The following EIF1AX variants were observed in gnomAD, a reference collection of about 807,000 sequenced individuals.
EIF1AX encodes eukaryotic translation initiation factor 1A X-linked.
In EIF1AX, 1 loss-of-function variant was observed where a neutral mutation model predicts 16.1. The observed-to-expected ratio is 0.06, with a 90% CI of 0.02 to 0.30. The LOEUF is 0.30. Among genes scored for constraint, EIF1AX ranks in the 10% least tolerant of loss-of-function variants. The probability of loss-of-function intolerance (pLI) is 1.00; values close to 1 mark genes in which losing one functional copy is unlikely to be tolerated. For synonymous variants in EIF1AX, 32 were observed against 37.3 expected (o/e 0.86, Z 0.51); for missense variants, 11 against 109.1 (o/e 0.10, Z 4.00).
intron 5 of EIF1AX, among the ~76,000 whole-genome samples, 189 bp downstream of exon 5, chrX:20,131,993 T>A (rs2067002867): frequency 9.2e-6 from 1 of 108,447 alleles, no homozygotes; most frequent in Non-Finnish European, 1.9e-5. Context: ...CCTCACCATA[T>A]TTATTAGGAA....
chrX:20,137,395 G>C (rs1056051647), intron 2 of EIF1AX, among the ~76,000 whole-genome samples: 5 of 110,667 alleles, frequency 4.5e-5, no homozygotes, highest in Non-Finnish European at 7.6e-5. Context: ...GTAGTGAGCC[G>C]AGATCGCGCC....
chrX:20,132,149 T>C (rs967531330), intron 5 of EIF1AX, 33 bp downstream of exon 5: 1 of 1,092,977 alleles, frequency 9.1e-7, no homozygotes, highest in Non-Finnish European at 1.3e-6. Context: ...CTAAATACCA[T>C]ATGACAAGTT....
At chrX:20,133,839 G>C (rs765663433) in intron 4 of EIF1AX, 118 bp downstream of exon 4, 35 of 565,166 alleles carry the variant, frequency 6.2e-5, no homozygotes, top group Non-Finnish European at 9.5e-5. Flanking sequence ...CCCAGATTTT[G>C]ATTTAAACAT....
rs1370654075 is a variant in EIF1AX, at chrX:20,125,455, T to G, written c.*2851A>C. 2.9e-5 allele frequency: 5 copies of G among 170,196 alleles called. No homozygotes were observed. Among genetic ancestry groups the G allele is most frequent in the African/African-American group, 1.5e-4 (5 of 33,769 alleles). 14.0% of individuals were successfully genotyped at this position (170,196 alleles called of 1,213,427 possible). A position where few individuals can be genotyped will look rare whatever the true frequency, so the allele number is the denominator to read the frequency against. On this transcript the variant is annotated 3_prime_UTR_variant, in exon 7 of 7. Coordinates refer to ENST00000379607, the MANE Select transcript of EIF1AX (RefSeq NM_001412.4). The stretch of plus-strand genomic sequence containing the variant: ...GAGTCCAAAGAGTATAAATAAAACT[T>G]ACCCTTACGAAGTAGAATAAAGATA...
chrX:20,132,702 T>C (rs2067004803), intron 4 of EIF1AX, among the ~76,000 whole-genome samples: 1 of 112,031 alleles, frequency 8.9e-6, no homozygotes, highest in Admixed American at 9.5e-5. Context: ...TGTGCTTCTT[T>C]GCCTAGGTAT....
At chrX:20,138,879 TTA>T (rs1341892009) in intron 1 of EIF1AX, among the ~76,000 whole-genome samples, 3 of 112,109 alleles carry the variant, frequency 2.7e-5, no homozygotes, top group Non-Finnish European at 5.6e-5. Flanking sequence ...ATAGCAGATA[TTA>T]TGTTAAAAAA....
At chrX:20,137,636 G>C (rs745522901) in intron 2 of EIF1AX, among the ~76,000 whole-genome samples, 1 of 111,454 alleles carries the variant, frequency 9.0e-6, no homozygotes, top group Non-Finnish European at 1.9e-5. Context: ...TCTTGGTCTG[G>C]CACTTACAAT....
rs755145723 is a variant in EIF1AX at position 20,135,339 on chromosome X, G to A, written c.204+399C>T. On this transcript the variant is annotated intron_variant, in intron 3 of 6. Coordinates refer to ENST00000379607, the MANE Select transcript of EIF1AX (RefSeq NM_001412.4). Reference sequence around the variant, plus strand: ...CACAGGCCTGTAGCCCCTGCTACACGGGAGGCTGAAGTGGGAGGATCACTT... The same window carrying A: ...CACAGGCCTGTAGCCCCTGCTACACAGGAGGCTGAAGTGGGAGGATCACTT... Among the ~76,000 whole-genome samples, 17 of 110,585 alleles carry A rather than the reference G, an allele frequency of 1.5e-4. 1 individual carries two copies. The highest frequency in any genetic ancestry group is 4.9e-4 in the African/African-American group (15 of 30,386).
Position 20,125,996 on chromosome X carries a change from C to T in EIF1AX, c.*2310G>A, listed in dbSNP as rs1477170891. 2.2e-5 allele frequency: 3 copies of T among 135,702 alleles called. No homozygotes were observed. In the Admixed American group the frequency reaches 2.8e-4, roughly 12 times the overall value. The allele number at this position is 135,702 out of a possible 1,213,427, so 11.2% of individuals were successfully genotyped here. On this transcript the variant is annotated 3_prime_UTR_variant, in exon 7 of 7. Coordinates refer to ENST00000379607, the MANE Select transcript of EIF1AX (RefSeq NM_001412.4). ...ACACAAATGTTTGGTTATTTAGCCA[C>T]ACTAGTGATAAAACATATTCATATT...
chrX:20,132,426 T>C (rs1425664266), intron 4 of EIF1AX, among the ~76,000 whole-genome samples, 163 bp from the exon 5 acceptor site: 2 of 111,970 alleles, frequency 1.8e-5, no homozygotes, highest in Non-Finnish European at 3.8e-5. Context: ...AAAAGATCCT[T>C]AGGTTTAACC....
intron 2 of EIF1AX, 28 bp downstream of exon 2, chrX:20,138,511 A>T (rs1188400180): frequency 2.7e-6 from 3 of 1,104,649 alleles, no homozygotes. Context: ...ATGTTATTTT[A>T]AAAAGCGTAA....
intron 4 of EIF1AX, among the ~76,000 whole-genome samples, chrX:20,133,345 G>A (rs1184028180): frequency 9.0e-6 from 1 of 110,878 alleles, no homozygotes; most frequent in Non-Finnish European, 1.9e-5. Flanking sequence ...ATGCTGTCCT[G>A]TGCCCACCCC....
At chrX:20,141,196 C>G (rs911989919) in intron 1 of EIF1AX, among the ~76,000 whole-genome samples, 3 of 111,398 alleles carry the variant, frequency 2.7e-5, no homozygotes, top group Non-Finnish European at 5.7e-5. Context: ...GCAGGAGTAC[C>G]TGGTGCTCAC....
intron 5 of EIF1AX, 97 bp downstream of exon 5, chrX:20,132,085 C>G: frequency 1.6e-6 from 1 of 621,300 alleles, no homozygotes; most frequent in South Asian, 3.7e-5. Context: ...AATGTGAGCA[C>G]TAAAGTAAAT....
intron 5 of EIF1AX, among the ~76,000 whole-genome samples, chrX:20,131,903 G>A (rs1004959040): frequency 2.8e-5 from 3 of 107,924 alleles, no homozygotes; most frequent in Non-Finnish European, 5.7e-5. Flanking sequence ...ACAGTCTCTC[G>A]AGGAAGGAAT....
At position 20,130,501 on chromosome X, in the gene EIF1AX, G is replaced by A; in HGVS notation, c.429+15C>T. 1 of 1,174,054 alleles carries A rather than the reference G, an allele frequency of 8.5e-7. No homozygotes were observed. ...TAATAACAAAAATTGGAAAACACAAGGTACATCTACTTACGTCATCAATAT... is the reference window on the plus strand; with the variant it reads ...TAATAACAAAAATTGGAAAACACAAAGTACATCTACTTACGTCATCAATAT... On this transcript the variant is annotated intron_variant, in intron 6 of 6. Transcript: ENST00000379607.
intron 1 of EIF1AX, among the ~76,000 whole-genome samples, chrX:20,139,219 T>C (rs2067026749): frequency 9.0e-6 from 1 of 111,363 alleles, no homozygotes; most frequent in Non-Finnish European, 1.9e-5. Context: ...CGAGACACTG[T>C]CTCTTAAAAA....
intron 2 of EIF1AX, chrX:20,136,228 C>G (rs73447108): frequency 0.25 from 85,332 of 335,523 alleles, 12,536 homozygotes; most frequent in African/African-American, 0.77. Context: ...AACACGTGTG[C>G]GTGCACACAC....
At chrX:20,140,696 G>A (rs921792598) in intron 1 of EIF1AX, among the ~76,000 whole-genome samples, 13 of 111,804 alleles carry the variant, frequency 1.2e-4, no homozygotes, top group African/African-American at 4.2e-4. Context: ...GACTACTTAC[G>A]GACTATGAAG....
Sources: gnomAD v4.1 joint callset for allele counts (sites outside exome capture counted in the v4.1 genomes callset) on GRCh38, gnomAD v4.1.1 for gene constraint, MANE v1.5 for transcripts, NCBI Gene and HGNC (gene_info 2026-07-23, HGNC 2026-07-21) for gene names.